The following PTPRD variants were observed in gnomAD, a reference collection of about 807,000 sequenced individuals.
The protein encoded by PTPRD is receptor-type tyrosine-protein phosphatase delta.
A neutral mutation model predicts 214.5 loss-of-function variants in PTPRD; 34 were observed. The ratio of observed to expected loss-of-function variants is 0.16; its 90% CI spans 0.12 to 0.21. The LOEUF (loss-of-function observed/expected upper bound fraction) is 0.21, where lower values mean the gene tolerates loss of function less well. PTPRD is among the 10% of genes least tolerant of loss of function. The pLI, the probability that PTPRD is intolerant of heterozygous loss-of-function variation, is 1.00. For synonymous variants in PTPRD, 1,128 were observed against 845.7 expected (o/e 1.33, Z -5.79); for missense variants, 2,545 against 2,398.7 (o/e 1.06, Z -1.27).
intron 11 of PTPRD, among the ~76,000 whole-genome samples, chr9:8,775,916 C>G (rs778507925): frequency 5.3e-5 from 8 of 151,924 alleles, no homozygotes; most frequent in Non-Finnish European, 1.2e-4. Context: ...TTCACATGAA[C>G]AGCTTGATGT....
intron 8 of PTPRD, among the ~76,000 whole-genome samples, chr9:9,529,761 C>T (rs2075043103): frequency 6.6e-6 from 1 of 151,854 alleles, no homozygotes; most frequent in Non-Finnish European, 1.5e-5. Flanking sequence ...TATAATCCAA[C>T]AATTCCTCTC....
At chr9:8,671,767 T>C (rs1324924010) in intron 12 of PTPRD, among the ~76,000 whole-genome samples, 1 of 152,156 alleles carries the variant, frequency 6.6e-6, no homozygotes, top group Non-Finnish European at 1.5e-5. Context: ...AACTTACGAC[T>C]TTTAGAAAAC....
intron 3 of PTPRD, among the ~76,000 whole-genome samples, chr9:10,284,302 C>A: frequency 6.6e-6 from 1 of 152,114 alleles, no homozygotes. Context: ...AGGAAAGGTG[C>A]ATAAGATTAA....
intron 9 of PTPRD, among the ~76,000 whole-genome samples, chr9:9,227,909 A>T (rs1002418927): frequency 1.3e-5 from 2 of 152,132 alleles, no homozygotes; most frequent in Non-Finnish European, 2.9e-5. Flanking sequence ...AGCTGTTCTT[A>T]AATTCCTGGC....
At chr9:9,881,123 CTCAA>C (rs2153737850) in intron 5 of PTPRD, among the ~76,000 whole-genome samples, 1 of 152,098 alleles carries the variant, frequency 6.6e-6, no homozygotes, top group Non-Finnish European at 1.5e-5. Flanking sequence ...TGAAACTTCA[CTCAA>C]TAATTTTTTT....
intron 10 of PTPRD, among the ~76,000 whole-genome samples, chr9:9,057,473 A>T (rs1231746638): frequency 6.6e-6 from 1 of 152,156 alleles, no homozygotes; most frequent in African/African-American, 2.4e-5. Context: ...TATATGTTAA[A>T]ATGGATTTAG....
intron 8 of PTPRD, among the ~76,000 whole-genome samples, chr9:9,486,390 T>C (rs752850184): frequency 6.6e-6 from 1 of 152,068 alleles, no homozygotes; most frequent in Non-Finnish European, 1.5e-5. Context: ...TTGCTTCCAA[T>C]GGACTTTAAC....
At chr9:10,311,080 C>T (rs1241073472) in intron 3 of PTPRD, among the ~76,000 whole-genome samples, 1 of 151,892 alleles carries the variant, frequency 6.6e-6, no homozygotes, top group Admixed American at 6.6e-5. Context: ...TATTTATATA[C>T]CGATTTTTTT....
At chr9:9,774,626 G>C (rs753590686) in intron 5 of PTPRD, among the ~76,000 whole-genome samples, 6 of 152,106 alleles carry the variant, frequency 3.9e-5, no homozygotes, top group South Asian at 2.1e-4. Context: ...TGAGCTACTA[G>C]TTCTATTCAT....
chr9:9,904,014 C>T (rs2076991291), intron 5 of PTPRD, among the ~76,000 whole-genome samples: 1 of 152,044 alleles, frequency 6.6e-6, no homozygotes, highest in South Asian at 2.1e-4. Context: ...CATCAGCAAA[C>T]CAGTTACCCC....
intron 5 of PTPRD, among the ~76,000 whole-genome samples, chr9:9,812,202 A>T (rs761533297): frequency 6.6e-6 from 1 of 152,186 alleles, no homozygotes; most frequent in Non-Finnish European, 1.5e-5. Flanking sequence ...CGTAACTTTT[A>T]TATTTATGGG....
intron 11 of PTPRD, among the ~76,000 whole-genome samples, chr9:8,745,237 A>T (rs902292953): frequency 6.6e-6 from 1 of 152,238 alleles, no homozygotes; most frequent in Non-Finnish European, 1.5e-5. Context: ...ACAAGTGAGT[A>T]GTCTCAGAGG....
At chr9:8,371,601 G>A (rs966553652) in intron 39 of PTPRD, among the ~76,000 whole-genome samples, 4 of 152,034 alleles carry the variant, frequency 2.6e-5, no homozygotes, top group African/African-American at 9.7e-5. Context: ...TCATAAATGT[G>A]TGTAAAACAA....
intron 6 of PTPRD, among the ~76,000 whole-genome samples, chr9:9,751,560 A>T (rs1456029497): frequency 6.6e-6 from 1 of 152,216 alleles, no homozygotes; most frequent in Non-Finnish European, 1.5e-5. Context: ...AGAGGAAATC[A>T]AATTAAAATG....
chr9:9,755,793 T>C (rs536454279), intron 6 of PTPRD, among the ~76,000 whole-genome samples: 1 of 152,056 alleles, frequency 6.6e-6, no homozygotes, highest in Non-Finnish European at 1.5e-5. Context: ...TTAGACTTAC[T>C]TACTCATTGT....
chr9:9,572,565 AT>A (rs2086810320), intron 8 of PTPRD, among the ~76,000 whole-genome samples: 1 of 68,424 alleles, frequency 1.5e-5, no homozygotes, highest in African/African-American at 4.7e-5. Context: ...ATATATGTAT[AT>A]ATATATATAT....
chr9:8,785,011 T>C (rs1423446915), intron 11 of PTPRD, among the ~76,000 whole-genome samples: 1 of 151,938 alleles, frequency 6.6e-6, no homozygotes, highest in Non-Finnish European at 1.5e-5. Flanking sequence ...TGTACCAACA[T>C]GCTGCACCCT....
intron 2 of PTPRD, among the ~76,000 whole-genome samples, chr9:10,413,149 T>A (rs997148906): frequency 6.6e-6 from 1 of 151,612 alleles, no homozygotes; most frequent in Admixed American, 6.6e-5. Context: ...AAAGAATCCA[T>A]ATAGGAAGAG....
intron 9 of PTPRD, among the ~76,000 whole-genome samples, chr9:9,277,349 C>T (rs904098425): frequency 6.6e-6 from 1 of 151,274 alleles, no homozygotes; most frequent in African/African-American, 2.4e-5. Context: ...TGTTACATCT[C>T]ACTATCTGGT....
Sources: gnomAD v4.1 joint callset for allele counts (sites outside exome capture counted in the v4.1 genomes callset) on GRCh38, gnomAD v4.1.1 for gene constraint, MANE v1.5 for transcripts, NCBI Gene and HGNC (gene_info 2026-07-23, HGNC 2026-07-21) for gene names.